Variants in NXN observed in about 807,000 individuals in gnomAD.
NXN encodes nucleoredoxin, also known as nucleoredoxin 1.
A neutral mutation model predicts 48.6 loss-of-function variants in NXN; 16 were observed. The ratio of observed to expected loss-of-function variants is 0.33; its 90% CI spans 0.22 to 0.50. The LOEUF (loss-of-function observed/expected upper bound fraction) is 0.50, where lower values mean the gene tolerates loss of function less well. Ranked by LOEUF, NXN falls within the 20% of genes least tolerant of loss-of-function variation. The pLI is 0.98. For synonymous variants in NXN, 281 were observed against 269.6 expected (o/e 1.04, Z -0.41); for missense variants, 492 against 605.5 (o/e 0.81, Z 1.97).
intron 1 of NXN, among the ~76,000 whole-genome samples, chr17:861,091 A>G (rs1010465128): frequency 2.0e-5 from 3 of 152,162 alleles, no homozygotes; most frequent in Admixed American, 6.5e-5. Context: ...TGAGTGCAAC[A>G]TATCAGTATC....
At chr17:957,344 C>T (rs149050175) in intron 1 of NXN, among the ~76,000 whole-genome samples, 1 of 152,180 alleles carries the variant, frequency 6.6e-6, no homozygotes, top group Non-Finnish European at 1.5e-5. Context: ...ATAGAAAATG[C>T]ATTTCTGGGC....
chr17:974,126 G>A (rs1258161017), intron 1 of NXN, among the ~76,000 whole-genome samples: 1 of 151,786 alleles, frequency 6.6e-6, no homozygotes, highest in African/African-American at 2.4e-5. Context: ...GAGCTGGGCG[G>A]ATCACGAGGT....
chr17:814,211 A>G (rs1912341445), intron 5 of NXN, among the ~76,000 whole-genome samples: 1 of 152,000 alleles, frequency 6.6e-6, no homozygotes, highest in African/African-American at 2.4e-5. Flanking sequence ...GTGAGCAGAG[A>G]TTGCGCCACT....
Position 902,814 on chromosome 17 carries a change from C to CTT in NXN, c.360+76504_360+76505insAA, listed in dbSNP as rs1307073555. On this transcript the variant is annotated intron_variant, in intron 1 of 7. Transcript: ENST00000336868. ...TTTTTTTTTAAGACTGACTTTCGCT[C>CTT]ATCACCCAGGCTGGAGTGCAATGGC... Among the ~76,000 whole-genome samples, 1,342 of 150,288 alleles carry CTT rather than the reference C, an allele frequency of 8.9e-3. 18 individuals are homozygous for CTT. The highest frequency in any genetic ancestry group is 0.031 in the African/African-American group (1,261 of 40,708).
chr17:883,682 G>C (rs905259612), intron 1 of NXN, among the ~76,000 whole-genome samples: 1 of 152,204 alleles, frequency 6.6e-6, no homozygotes, highest in Non-Finnish European at 1.5e-5. Context: ...CAGTGGTCAC[G>C]GTCCCATCAT....
chr17:903,861 A>G (rs929139742), intron 1 of NXN, among the ~76,000 whole-genome samples: 2 of 152,314 alleles, frequency 1.3e-5, no homozygotes, highest in Admixed American at 6.5e-5. Flanking sequence ...CATTCAGGGT[A>G]GACCAAATCC....
At chr17:940,082 G>T (rs902883713) in intron 1 of NXN, among the ~76,000 whole-genome samples, 3 of 151,918 alleles carry the variant, frequency 2.0e-5, no homozygotes, top group African/African-American at 7.3e-5. Context: ...CACAGGCACA[G>T]GCCACCACGC....
chr17:910,232 C>T (rs1011334349), intron 1 of NXN, among the ~76,000 whole-genome samples: 2 of 151,984 alleles, frequency 1.3e-5, no homozygotes, highest in Admixed American at 6.6e-5. Flanking sequence ...GCCAACAGGG[C>T]GAGACCCTGT....
At position 805,258 on chromosome 17, in the gene NXN, G is replaced by C; in HGVS notation, c.821-11C>G. ...TGAGCGTGGGGATGCCTGCAGGGAA[G>C]AGGGGGTGCTTGGCCGCTGGCCCGG... On this transcript the variant is annotated splice_polypyrimidine_tract_variant and intron_variant, in intron 5 of 7. Transcript: ENST00000336868. 1.2e-6 allele frequency: 2 copies of C among 1,601,872 alleles called. No individual in the cohort carries two copies. Among genetic ancestry groups the C allele is most frequent in the South Asian group, 1.1e-5 (1 of 90,116 alleles).
intron 1 of NXN, among the ~76,000 whole-genome samples, chr17:883,946 C>T (rs1364075727): frequency 6.6e-6 from 1 of 152,062 alleles, no homozygotes; most frequent in South Asian, 2.1e-4. Context: ...GGGCCGGGCG[C>T]GGTGGCTCAC....
intron 1 of NXN, among the ~76,000 whole-genome samples, chr17:839,724 C>T (rs1206983393): frequency 6.7e-6 from 1 of 148,172 alleles, no homozygotes; most frequent in Non-Finnish European, 1.5e-5. Context: ...ATCACCTGAA[C>T]CTGGTGTGGT....
chr17:929,643 G>T (rs148035606), intron 1 of NXN: 2 of 152,306 alleles, frequency 1.3e-5, no homozygotes, highest in Non-Finnish European at 2.9e-5. Flanking sequence ...CCTTAGCTTA[G>T]CATTTCCCAC....
At chr17:834,465 A>G (rs1913673341) in intron 1 of NXN, among the ~76,000 whole-genome samples, 1 of 151,926 alleles carries the variant, frequency 6.6e-6, no homozygotes, top group South Asian at 2.1e-4. Context: ...CCCAGGCTGG[A>G]GTGCAATGGT....
At chr17:850,274 A>ACCTGCT (rs1267371106) in intron 1 of NXN, among the ~76,000 whole-genome samples, 2 of 152,168 alleles carry the variant, frequency 1.3e-5, no homozygotes, top group African/African-American at 2.4e-5. Context: ...GGGAGGAGAC[A>ACCTGCT]CCTGCTCCTG....
At chr17:923,150 C>G (rs956797561) in intron 1 of NXN, among the ~76,000 whole-genome samples, 1 of 152,114 alleles carries the variant, frequency 6.6e-6, no homozygotes, top group African/African-American at 2.4e-5. Context: ...GGGACCACCA[C>G]CTGGACGGCG....
At chr17:850,691 T>G (rs2067914574) in intron 1 of NXN, among the ~76,000 whole-genome samples, 1 of 152,164 alleles carries the variant, frequency 6.6e-6, no homozygotes. Flanking sequence ...AGGTTTCTTC[T>G]GCAGACAAGA....
chr17:974,800 C>G (rs1185432157), intron 1 of NXN, among the ~76,000 whole-genome samples: 1 of 150,196 alleles, frequency 6.7e-6, no homozygotes, highest in African/African-American at 2.5e-5. Context: ...GAACATTGCT[C>G]TTATTACTTT....
chr17:853,716 TATATATA>T (rs1318275298), intron 1 of NXN, among the ~76,000 whole-genome samples: 2 of 94,336 alleles, frequency 2.1e-5, no homozygotes, highest in South Asian at 3.2e-4. Flanking sequence ...TATATATATA[TATATATA>T]TTTTTTTTTT....
intron 5 of NXN, among the ~76,000 whole-genome samples, chr17:807,973 A>AC (rs1221516719): frequency 6.6e-6 from 1 of 152,010 alleles, no homozygotes; most frequent in Non-Finnish European, 1.5e-5. Context: ...GGTCAAGGTG[A>AC]CCCCCAGGTC....
Sources: gnomAD v4.1 joint callset for allele counts (sites outside exome capture counted in the v4.1 genomes callset) on GRCh38, gnomAD v4.1.1 for gene constraint, MANE v1.5 for transcripts, NCBI Gene and HGNC (gene_info 2026-07-23, HGNC 2026-07-21) for gene names.